RORA: variants seen among roughly 807,000 people sequenced by gnomAD.
RORA encodes the protein nuclear receptor ROR-alpha.
A neutral mutation model predicts 69.5 loss-of-function variants in RORA; 7 were observed. The observed-to-expected ratio is 0.10, with a 90% CI of 0.06 to 0.19. The LOEUF is 0.19. RORA is among the 10% of genes least tolerant of loss of function. RORA has a pLI of 1.00. For synonymous variants in RORA, 261 were observed against 240.8 expected (o/e 1.08, Z -0.78); for missense variants, 457 against 663.0 (o/e 0.69, Z 3.41).
intron 1 of RORA, among the ~76,000 whole-genome samples, chr15:60,991,300 A>G (rs1894369531): frequency 6.6e-6 from 1 of 151,334 alleles, no homozygotes; most frequent in Admixed American, 6.6e-5. Flanking sequence ...AATGAATGAA[A>G]TACCGCAGAC....
chr15:60,861,632 GT>G (rs2140425633), intron 1 of RORA, among the ~76,000 whole-genome samples: 1 of 152,280 alleles, frequency 6.6e-6, no homozygotes, highest in Admixed American at 6.5e-5. Context: ...GAGACTACAG[GT>G]GCGAGCCACC....
At chr15:60,997,183 A>G (rs1406152307) in intron 1 of RORA, among the ~76,000 whole-genome samples, 7 of 152,300 alleles carry the variant, frequency 4.6e-5, no homozygotes, top group Non-Finnish European at 8.8e-5. Context: ...GAGGGTCAAC[A>G]TAATTGGTTT....
intron 1 of RORA, among the ~76,000 whole-genome samples, chr15:60,857,326 G>A (rs934542534): frequency 1.3e-5 from 2 of 152,022 alleles, no homozygotes; most frequent in African/African-American, 2.4e-5. Flanking sequence ...GGAGCTACCC[G>A]GCAAGTCAAG....
At chr15:60,815,123 T>C (rs530526222) in intron 1 of RORA, among the ~76,000 whole-genome samples, 3 of 152,328 alleles carry the variant, frequency 2.0e-5, no homozygotes, top group African/African-American at 4.8e-5. Flanking sequence ...ACGAGTCTAA[T>C]GATGCTTCAC....
intron 1 of RORA, among the ~76,000 whole-genome samples, chr15:60,914,875 A>T (rs1891825604): frequency 6.6e-6 from 1 of 152,218 alleles, no homozygotes; most frequent in African/African-American, 2.4e-5. Context: ...TCAGTGGGCC[A>T]TCCAGGAAGA....
chr15:60,801,794 G>A (rs533799086), intron 1 of RORA, among the ~76,000 whole-genome samples: 153 of 152,304 alleles, frequency 1.0e-3, no homozygotes, highest in Middle Eastern at 3.4e-3. Flanking sequence ...CTAAGAGGAT[G>A]CAAGCAGGCT....
At chr15:61,207,110 A>ATATATG (rs1185104880) in intron 1 of RORA, among the ~76,000 whole-genome samples, 1 of 152,198 alleles carries the variant, frequency 6.6e-6, no homozygotes, top group African/African-American at 2.4e-5. Context: ...GCATATAGAC[A>ATATATG]CATATGTATA....
At position 61,131,015 on chromosome 15, in the gene RORA, C is replaced by T. The variant is rs1039316915; in HGVS notation, c.166+98038G>A. ...ATATAAGTCTAACCAATATTATATG[C>T]ATATAAATAACTTCAGTACACGTGT... On this transcript the variant is annotated intron_variant, in intron 1 of 10. Transcript: ENST00000335670. The surrounding 1 kb of genome is among the most constrained non-coding windows in gnomAD (Gnocchi z 4.2). 4.6e-5 allele frequency among the ~76,000 whole-genome samples: 7 copies of T among 152,216 alleles called. No individual in the cohort carries two copies. The highest frequency in any genetic ancestry group is 1.4e-4 in the African/African-American group (6 of 41,454).
At chr15:60,698,934 C>T (rs952635097) in intron 1 of RORA, among the ~76,000 whole-genome samples, 7 of 152,032 alleles carry the variant, frequency 4.6e-5, no homozygotes, top group African/African-American at 1.7e-4. Flanking sequence ...TTGTTAATCG[C>T]CTGTTCATAA....
At chr15:60,532,418 C>T (rs1427073383) in intron 2 of RORA, among the ~76,000 whole-genome samples, 3 of 152,104 alleles carry the variant, frequency 2.0e-5, no homozygotes, top group African/African-American at 7.2e-5. Flanking sequence ...ACCTTTCAAC[C>T]ATAGAGTTAA....
At chr15:60,942,639 T>C (rs1892735062) in intron 1 of RORA, among the ~76,000 whole-genome samples, 1 of 152,238 alleles carries the variant, frequency 6.6e-6, no homozygotes, top group Non-Finnish European at 1.5e-5. Flanking sequence ...TACTTAGAGA[T>C]TGGCTGTTAG....
At chr15:60,924,267 T>C (rs1273763561) in intron 1 of RORA, among the ~76,000 whole-genome samples, 1 of 149,824 alleles carries the variant, frequency 6.7e-6, no homozygotes, top group Non-Finnish European at 1.5e-5. Context: ...TTGAGTTACA[T>C]TTATTCAGTA....
chr15:60,515,941 A>ATT (rs2065863300), intron 3 of RORA, among the ~76,000 whole-genome samples: 1 of 17,066 alleles, frequency 5.9e-5, no homozygotes, highest in African/African-American at 3.3e-4. Flanking sequence ...ATATATATTT[A>ATT]TATATATTTA....
intron 1 of RORA, among the ~76,000 whole-genome samples, chr15:61,055,733 C>A (rs1246344972): frequency 6.6e-6 from 1 of 152,318 alleles, no homozygotes; most frequent in Non-Finnish European, 1.5e-5. Context: ...TTTTTAGAAC[C>A]ATTTCAGTGA....
chr15:60,945,808 A>C (rs1892853212), intron 1 of RORA, among the ~76,000 whole-genome samples: 1 of 152,222 alleles, frequency 6.6e-6, no homozygotes, highest in African/African-American at 2.4e-5. Context: ...GTTTGTGGGA[A>C]AGCCAGGATC....
chr15:61,090,362 G>T (rs1411199294), intron 1 of RORA, among the ~76,000 whole-genome samples: 1 of 152,182 alleles, frequency 6.6e-6, no homozygotes, highest in African/African-American at 2.4e-5. Context: ...GTGCCCCTCT[G>T]TGAATATGAA....
chr15:61,142,376 C>A (rs1485081374), intron 1 of RORA, among the ~76,000 whole-genome samples: 2 of 152,136 alleles, frequency 1.3e-5, no homozygotes, highest in African/African-American at 4.8e-5. Context: ...AACTATAACT[C>A]ATCAAATATG....
At chr15:60,718,845 TACC>T (rs1248330877) in intron 1 of RORA, among the ~76,000 whole-genome samples, 3 of 152,220 alleles carry the variant, frequency 2.0e-5, no homozygotes, top group African/African-American at 7.2e-5. Context: ...TACAAATATT[TACC>T]ACAAGAAAAT....
chr15:61,034,787 CCAAA>C (rs1566954427), intron 1 of RORA, among the ~76,000 whole-genome samples: 1 of 21,974 alleles, frequency 4.6e-5, no homozygotes, highest in African/African-American at 1.7e-4. Context: ...ACATCACAGA[CCAAA>C]AAAAAAAAAA....
Sources: allele counts gnomAD v4.1 joint callset (sites outside exome capture counted in the v4.1 genomes callset), GRCh38; gene constraint gnomAD v4.1.1; non-coding constraint Gnocchi (gnomAD v3.1); transcripts MANE v1.5; gene names NCBI Gene and HGNC (gene_info 2026-07-23, HGNC 2026-07-21).